Variants in DHX29 observed in about 807,000 individuals in gnomAD.
The protein encoded by DHX29 is DExH-box helicase 29.
In DHX29, 79 loss-of-function variants were observed where a neutral mutation model predicts 167.9. The ratio of observed to expected loss-of-function variants is 0.47; its 90% CI spans 0.39 to 0.57. The LOEUF is 0.57. Among genes scored for constraint, DHX29 ranks in the 20% least tolerant of loss-of-function variants. The pLI, the probability that DHX29 is intolerant of heterozygous loss-of-function variation, is 0.00. For missense variants in DHX29, 1,347 were observed against 1,593.4 expected (o/e 0.85, Z 2.63); for synonymous variants, 530 against 546.0 (o/e 0.97, Z 0.41).
chr5:55,272,907 T>C lies in DHX29; in HGVS notation c.2775+386A>G, dbSNP rs566808153. ...GCTTTGTGACCTACCCAATGGTTTA[T>C]GTACAATAAAAATCATCAGAGAAGA... On this transcript the variant is annotated intron_variant, in intron 17 of 26. Coordinates refer to ENST00000251636, the MANE Select transcript of DHX29 (RefSeq NM_019030.4). Among the ~76,000 whole-genome samples the C allele has an allele frequency of 2.9e-4, 44 of 152,312 alleles. No individual in the cohort carries two copies. The East Asian group carries it at 3.3e-3, about 11-fold the overall frequency.
chr5:55,270,539 CTG>C (rs1561141831), intron 19 of DHX29, 37 bp downstream of exon 19: 2 of 1,613,634 alleles, frequency 1.2e-6, no homozygotes, highest in Non-Finnish European at 1.7e-6. Context: ...TCACACAATA[CTG>C]GTTTATGTGT....
chr5:55,289,537 G>A, intron 7 of DHX29, 109 bp from the exon 8 acceptor site: 1 of 842,074 alleles, frequency 1.2e-6, no homozygotes, highest in Non-Finnish European at 1.7e-6. Context: ...TGGTTTTCAT[G>A]CCTTATTTTT....
chr5:55,285,995 C>CT lies in DHX29; in HGVS notation c.1067-135dup, dbSNP rs544375931. 249 of 608,042 alleles carry CT rather than the reference C, an allele frequency of 4.1e-4. 2 individuals carry two copies. The South Asian group carries it at 8.4e-3, about 21-fold the overall frequency. 37.7% of individuals were successfully genotyped at this position (608,042 alleles called of 1,614,324 possible). A position where few individuals can be genotyped will look rare whatever the true frequency, so the allele number is the denominator to read the frequency against. On this transcript the variant is annotated intron_variant, in intron 8 of 26. Transcript: ENST00000251636. ...TGAGGCCAGGTGCAGTGGCTCATGC[C>CT]TGTAATCCCAGCACTTTGGGAGGCC...
Position 55,283,673 on chromosome 5 carries a change from G to A in DHX29, c.1495C>T (p.Leu499=), listed in dbSNP as rs376120265. 6.2e-7 allele frequency: 1 copy of A among 1,613,906 alleles called. No homozygotes were observed. The highest frequency in any genetic ancestry group is 8.5e-7 in the Non-Finnish European group (1 of 1,180,010). ...DLFIAKLLNK[L]KQQQQQQQQH... is the part of the protein sequence containing the mutation. ...TGTTGCTGCTGTTGCTGCTGTTTCA[G>A]TTTATTCAGAAGTTTGGCAATAAAA... Residue 499 remains leucine, a synonymous_variant, in exon 11 of 27, where the codon CTG becomes TTG. Transcript: ENST00000251636.
At chr5:55,266,012 T>G (rs377323647) in intron 23 of DHX29, among the ~76,000 whole-genome samples, 12 of 152,312 alleles carry the variant, frequency 7.9e-5, no homozygotes, top group African/African-American at 2.9e-4. Flanking sequence ...TCCTTTTCTT[T>G]TTTTTGAGAC....
intron 1 of DHX29, among the ~76,000 whole-genome samples, chr5:55,301,025 A>C (rs1321357664): frequency 6.6e-6 from 1 of 152,122 alleles, no homozygotes; most frequent in Non-Finnish European, 1.5e-5. Context: ...TTACTCAGAG[A>C]AACTGAGCTC....
chr5:55,270,275 A>G (rs764474118), intron 20 of DHX29, 137 bp downstream of exon 20: 3 of 950,344 alleles, frequency 3.2e-6, no homozygotes, highest in Non-Finnish European at 4.6e-6. Context: ...TTATAATAAG[A>G]TGGATAAGGG....
intron 10 of DHX29, among the ~76,000 whole-genome samples, chr5:55,284,281 T>C (rs953546268): frequency 6.6e-6 from 1 of 152,242 alleles, no homozygotes; most frequent in Non-Finnish European, 1.5e-5. Context: ...AGTGGCACTA[T>C]ATAAAATGTT....
Position 55,281,489 on chromosome 5 carries a change from C to T in DHX29, c.1992G>A (p.Arg664=), listed in dbSNP as rs140043550. 315 of 1,598,342 alleles carry T rather than the reference C, an allele frequency of 2.0e-4. No individual in the cohort carries two copies. The highest frequency in any genetic ancestry group is 2.5e-4 in the Non-Finnish European group (296 of 1,172,572). The part of the protein sequence containing the change: ...GRNSLCGYQI[R]MESRACESTR... ...TAGATTCACAAGCTCGAGATTCCAT[C>T]CGGATCTGATATCCACACAAGGAAT... Residue 664 remains arginine (R), a synonymous_variant, in exon 12 of 27, where the codon CGG becomes CGA. Coordinates refer to ENST00000251636, the MANE Select transcript of DHX29 (RefSeq NM_019030.4).
In DHX29 at chr5:55,259,873, A is replaced by G; in HGVS notation, c.4032T>C (p.Leu1344=). The change falls in exon 26 of 27, where the codon CTT becomes CTC. Residue 1344 remains leucine (L), a synonymous_variant. Transcript: ENST00000251636. ...VLIDSVLRKK[L]ENPKMSLEND... ...TTTCAAGGGACATCTTTGGATTTTC[A>G]AGCTTTTTTCTTAAAACTGAATCAA... 6.2e-7 allele frequency: 1 copy of G among 1,608,994 alleles called. No homozygotes were observed. Among genetic ancestry groups the G allele is most frequent in the Non-Finnish European group, 8.5e-7 (1 of 1,175,466 alleles).
intron 1 of DHX29, among the ~76,000 whole-genome samples, chr5:55,304,453 C>T (rs891651894): frequency 1.3e-5 from 2 of 151,810 alleles, no homozygotes; most frequent in African/African-American, 4.8e-5. Flanking sequence ...GCTGGGACTA[C>T]AGGCGCTCGC....
At chr5:55,258,838 T>C (rs1325685901) in intron 26 of DHX29, among the ~76,000 whole-genome samples, 1 of 151,980 alleles carries the variant, frequency 6.6e-6, no homozygotes, top group African/African-American at 2.4e-5. Flanking sequence ...CAGGCAGGTG[T>C]CACCATGCCC....
At chr5:55,265,094 G>GAAAAAAA (rs11336502) in intron 23 of DHX29, among the ~76,000 whole-genome samples, 1 of 136,474 alleles carries the variant, frequency 7.3e-6, no homozygotes, top group African/African-American at 2.7e-5. Context: ...AAAGAAAAAA[G>GAAAAAAA]AAAAAAAAAA....
At chr5:55,277,061 G>A in intron 13 of DHX29, 45 bp downstream of exon 13, 6 of 1,407,162 alleles carry the variant, frequency 4.3e-6, no homozygotes, top group Non-Finnish European at 4.9e-6. Context: ...AGAACCTGGT[G>A]GGAATGCAGT....
Position 55,276,311 on chromosome 5 carries a change from T to C in DHX29, c.2382A>G (p.Val794=), listed in dbSNP as rs762645103. 1 of 1,603,122 alleles carries C rather than the reference T, an allele frequency of 6.2e-7. No individual in the cohort carries two copies. The highest frequency in any genetic ancestry group is 1.1e-5 in the South Asian group (1 of 88,340). Residue 794 remains valine (V), a synonymous_variant, in exon 14 of 27, where the codon GTA becomes GTG. Coordinates refer to ENST00000251636, the MANE Select transcript of DHX29 (RefSeq NM_019030.4). ...CTGCTTTGCTTGTAACATTAATGGT[T>C]ACTTCTTCTTCCTCTTCCAGAAATT... ...CQKFLEEEEE[V]TINVTSKAGG...
At chr5:55,260,215 G>A (rs975323794) in intron 25 of DHX29, among the ~76,000 whole-genome samples, 1 of 152,036 alleles carries the variant, frequency 6.6e-6, no homozygotes, top group African/African-American at 2.4e-5. Flanking sequence ...TGGAAGTTAA[G>A]ACTACAGTTT....
At chr5:55,303,585 C>G (rs1157212757) in intron 1 of DHX29, among the ~76,000 whole-genome samples, 1 of 152,174 alleles carries the variant, frequency 6.6e-6, no homozygotes, top group Non-Finnish European at 1.5e-5. Flanking sequence ...CACCGGCCCC[C>G]ACTTCCCATT....
At chr5:55,261,318 C>T (rs231365) in intron 25 of DHX29, 50 bp downstream of exon 25, 187,683 of 1,055,906 alleles carry the variant, frequency 0.18, 17,713 homozygotes, top group Admixed American at 0.2. Flanking sequence ...CTCAATGGTA[C>T]TGGAAGTTGA....
At position 55,283,752 on chromosome 5, in the gene DHX29, T is replaced by A. The variant is rs768514977; in HGVS notation, c.1416A>T (p.Ala472=). The A allele has an allele frequency of 6.2e-7, 1 of 1,613,500 alleles. No homozygotes were observed. Among genetic ancestry groups the A allele is most frequent in the African/African-American group, 1.3e-5 (1 of 74,998 alleles). The change falls in exon 11 of 27, where the codon GCA becomes GCT. Residue 472 remains alanine, a synonymous_variant. Transcript: ENST00000251636. ...TATTTAATTCTTCCCTTTTCTTTTC[T>A]GCATCACTCCACTCCAGCCAAACAT... ...YRDVWLEWSD[A]EKKREELNKM... is the part of the protein sequence containing the mutation.
Sources: gnomAD v4.1 joint callset for allele counts (sites outside exome capture counted in the v4.1 genomes callset) on GRCh38, gnomAD v4.1.1 for gene constraint, MANE v1.5 for transcripts, NCBI Gene and HGNC (gene_info 2026-07-23, HGNC 2026-07-21) for gene names.